CACNG2: variants seen among roughly 807,000 people sequenced by gnomAD.
CACNG2 encodes calcium voltage-gated channel auxiliary subunit gamma 2, also known as voltage-dependent calcium channel gamma-2 subunit.
CACNG2 carries 3 observed loss-of-function variants against 25.9 expected under a neutral mutation model. The ratio of observed to expected loss-of-function variants is 0.12; its 90% CI spans 0.05 to 0.30. CACNG2 has a LOEUF of 0.30. CACNG2 is among the 10% of genes least tolerant of loss of function. The probability of loss-of-function intolerance (pLI) is 1.00; values close to 1 mark genes in which losing one functional copy is unlikely to be tolerated. For synonymous variants in CACNG2, 167 were observed against 173.3 expected (o/e 0.96, Z 0.29); for missense variants, 341 against 432.5 (o/e 0.79, Z 1.88).
chr22:36,578,116 C>A (rs752560517), intron 2 of CACNG2, among the ~76,000 whole-genome samples: 4 of 152,002 alleles, frequency 2.6e-5, no homozygotes, highest in African/African-American at 7.3e-5. Flanking sequence ...CATCCCAGCA[C>A]TTTGGGAGGC....
rs1569032646 is a variant in CACNG2, at chr22:36,623,011, G to GATTTTTTTTTTTTTTT, written c.212-35464_212-35463insAAAAAAAAAAAAAAAT. ...TTTCTCATTCAGTCTTCAAAACATGGGTTTTTTTTTTTTTTTTTTTTTTTT... is the reference window on the plus strand; with the variant it reads ...TTTCTCATTCAGTCTTCAAAACATGGATTTTTTTTTTTTTTTGTTTTTTTTTTTTTTTTTTTTTTTT... On this transcript the variant is annotated intron_variant, in intron 1 of 3. Coordinates refer to ENST00000300105, the MANE Select transcript of CACNG2 (RefSeq NM_006078.5). Among the ~76,000 whole-genome samples, 5 of 93,224 alleles carry GATTTTTTTTTTTTTTT rather than the reference G, an allele frequency of 5.4e-5. 2 individuals carry two copies. The highest frequency in any genetic ancestry group is 2.0e-5 in the Non-Finnish European group (1 of 49,902). 61.2% of individuals were successfully genotyped at this position (93,224 alleles called of 152,430 possible). A position where few individuals can be genotyped will look rare whatever the true frequency, so the allele number is the denominator to read the frequency against.
At chr22:36,610,409 C>A (rs1309869711) in intron 1 of CACNG2, among the ~76,000 whole-genome samples, 1 of 152,166 alleles carries the variant, frequency 6.6e-6, no homozygotes, top group African/African-American at 2.4e-5. Flanking sequence ...TGGGAGGAAT[C>A]AGTCCCCCAG....
At chr22:36,623,644 A>G (rs1476699410) in intron 1 of CACNG2, among the ~76,000 whole-genome samples, 3 of 152,176 alleles carry the variant, frequency 2.0e-5, no homozygotes, top group Non-Finnish European at 4.4e-5. Context: ...TGAGACTGAA[A>G]GAGTGAGGGT....
chr22:36,575,468 G>A (rs946689789), intron 2 of CACNG2, among the ~76,000 whole-genome samples: 7 of 152,048 alleles, frequency 4.6e-5, no homozygotes, highest in South Asian at 2.1e-4. Flanking sequence ...CAGGGCACGC[G>A]GGGCCCCGAG....
chr22:36,573,617 C>A lies in CACNG2; in HGVS notation c.296-7124G>T, dbSNP rs117778314. Among the ~76,000 whole-genome samples the A allele has an allele frequency of 2.8e-3, 430 of 152,308 alleles. 3 individuals are homozygous for A. Among genetic ancestry groups the A allele is most frequent in the East Asian group, 4.8e-3 (25 of 5,188 alleles). On this transcript the variant is annotated intron_variant, in intron 2 of 3. Coordinates refer to ENST00000300105, the MANE Select transcript of CACNG2 (RefSeq NM_006078.5). ...AAAGTGCCGGGAGTGCAGGCGTGAG[C>A]CACCACACATGGCCTATATAGGTAT...
intron 1 of CACNG2, among the ~76,000 whole-genome samples, chr22:36,634,422 G>A (rs147367128): frequency 9.5e-4 from 144 of 152,328 alleles, no homozygotes; most frequent in African/African-American, 3.3e-3. Flanking sequence ...AGATTGAAAG[G>A]CATATGTCCC....
intron 1 of CACNG2, among the ~76,000 whole-genome samples, chr22:36,650,832 G>A (rs1936600626): frequency 6.6e-6 from 1 of 152,122 alleles, no homozygotes; most frequent in Non-Finnish European, 1.5e-5. Context: ...CTTTGCCATT[G>A]TAAAACACCA....
intron 2 of CACNG2, among the ~76,000 whole-genome samples, chr22:36,582,360 A>G (rs528959757): frequency 3.0e-4 from 45 of 150,480 alleles, no homozygotes; most frequent in Admixed American, 2.6e-3. Context: ...TATTCCAGGC[A>G]TGCTCCCAAC....
At chr22:36,630,027 G>C (rs1157483080) in intron 1 of CACNG2, among the ~76,000 whole-genome samples, 1 of 152,200 alleles carries the variant, frequency 6.6e-6, no homozygotes, top group East Asian at 1.9e-4. Flanking sequence ...GCATTTTGGG[G>C]AGAGGGAACA....
At chr22:36,684,947 G>A (rs895746988) in intron 1 of CACNG2, among the ~76,000 whole-genome samples, 1 of 152,164 alleles carries the variant, frequency 6.6e-6, no homozygotes, top group Non-Finnish European at 1.5e-5. Context: ...AAGAAAGTAG[G>A]GCAGGAAGTG....
At chr22:36,691,111 T>C (rs1937263635) in intron 1 of CACNG2, among the ~76,000 whole-genome samples, 1 of 152,184 alleles carries the variant, frequency 6.6e-6, no homozygotes, top group Non-Finnish European at 1.5e-5. Flanking sequence ...AAGAAATAGA[T>C]GAGGGAACTC....
At chr22:36,672,509 A>T (rs576757974) in intron 1 of CACNG2, among the ~76,000 whole-genome samples, 1 of 152,302 alleles carries the variant, frequency 6.6e-6, no homozygotes, top group Admixed American at 6.5e-5. Flanking sequence ...GGCACTGAGG[A>T]TTCTCACACA....
Position 36,689,162 on chromosome 22 carries a change from G to A in CACNG2, c.211+13204C>T, listed in dbSNP as rs1569053452. Among the ~76,000 whole-genome samples, 3 of 152,128 alleles carry A rather than the reference G, an allele frequency of 2.0e-5. No individual in the cohort carries two copies. The South Asian group carries it at 6.2e-4, about 32-fold the overall frequency. On this transcript the variant is annotated intron_variant, in intron 1 of 3. Transcript: ENST00000300105. Reference sequence around the variant, plus strand: ...TCAAGTCCCTGAGCTCACTGGTAACGGTTTTGATACCTGCCTGTCTATTCT... The same window carrying A: ...TCAAGTCCCTGAGCTCACTGGTAACAGTTTTGATACCTGCCTGTCTATTCT...
At chr22:36,566,829 A>G (rs1935136033) in intron 2 of CACNG2, among the ~76,000 whole-genome samples, 1 of 152,184 alleles carries the variant, frequency 6.6e-6, no homozygotes, top group South Asian at 2.1e-4. Context: ...TTCCCACGAC[A>G]TGTCATTTCA....
At chr22:36,662,033 G>T (rs1161761219) in intron 1 of CACNG2, among the ~76,000 whole-genome samples, 1 of 127,770 alleles carries the variant, frequency 7.8e-6, no homozygotes, top group Admixed American at 9.8e-5. Flanking sequence ...GGGCTGGAGT[G>T]CAGTGGCATG....
At chr22:36,669,066 G>T (rs1362926370) in intron 1 of CACNG2, among the ~76,000 whole-genome samples, 1 of 152,082 alleles carries the variant, frequency 6.6e-6, no homozygotes, top group African/African-American at 2.4e-5. Context: ...TGTTCTACCA[G>T]CGATCTGGGT....
chr22:36,673,353 A>G (rs563305634), intron 1 of CACNG2, among the ~76,000 whole-genome samples: 1 of 152,348 alleles, frequency 6.6e-6, no homozygotes, highest in South Asian at 2.1e-4. Context: ...GTAGGCAGCA[A>G]GGATTAGGAA....
chr22:36,567,018 C>T (rs73169699), intron 2 of CACNG2, among the ~76,000 whole-genome samples: 3,885 of 152,024 alleles, frequency 0.026, 130 homozygotes, highest in Admixed American at 0.089. Flanking sequence ...CCCTTGGGCA[C>T]GCTGAGAGGC....
At position 36,564,944 on chromosome 22, in the gene CACNG2, G is replaced by A; in HGVS notation, c.437-58C>T. 2.0e-6 allele frequency: 3 copies of A among 1,530,532 alleles called. No homozygotes were observed. Among genetic ancestry groups the A allele is most frequent in the Middle Eastern group, 2.0e-4 (1 of 5,112 alleles). The allele number at this position is 1,530,532 out of a possible 1,614,324, so 94.8% of individuals were successfully genotyped here. A position where few individuals can be genotyped will look rare whatever the true frequency, so the allele number is the denominator to read the frequency against. ...AGAGAGAAGGACGTTAGTTTCTCAG[G>A]AAGTCGGCCACAGGGCAGCCGTAAA... On this transcript the variant is annotated intron_variant, in intron 3 of 3. Transcript: ENST00000300105. The surrounding 1 kb of genome is among the most constrained non-coding windows in gnomAD (Gnocchi z 6.7).
Sources: allele counts gnomAD v4.1 joint callset (sites outside exome capture counted in the v4.1 genomes callset), GRCh38; gene constraint gnomAD v4.1.1; non-coding constraint Gnocchi (gnomAD v3.1); transcripts MANE v1.5; gene names NCBI Gene and HGNC (gene_info 2026-07-23, HGNC 2026-07-21).